DLG2: variants seen among roughly 807,000 people sequenced by gnomAD.
DLG2 encodes disks large homolog 2.
A neutral mutation model predicts 132.5 loss-of-function variants in DLG2; 45 were observed. The observed-to-expected ratio is 0.34, with a 90% confidence interval of 0.27 to 0.44. The LOEUF is 0.44. Ranked by LOEUF, DLG2 falls within the 20% of genes least tolerant of loss-of-function variation. DLG2 has a pLI of 1.00. For missense variants in DLG2, 1,045 were observed against 1,196.9 expected (o/e 0.87, Z 1.87); for synonymous variants, 424 against 419.6 (o/e 1.01, Z -0.13).
chr11:84,456,306 G>C (rs917106597), intron 7 of DLG2, among the ~76,000 whole-genome samples: 3 of 151,288 alleles, frequency 2.0e-5, no homozygotes, highest in African/African-American at 7.3e-5. Context: ...GTGGAAGAAT[G>C]CCCTAGTTTT....
chr11:84,614,432 G>A (rs1164829963), intron 6 of DLG2, among the ~76,000 whole-genome samples: 1 of 152,196 alleles, frequency 6.6e-6, no homozygotes, highest in Non-Finnish European at 1.5e-5. Context: ...AGGTCAGACA[G>A]ACAAGGAGAA....
intron 6 of DLG2, among the ~76,000 whole-genome samples, chr11:84,785,345 T>A (rs1035115934): frequency 6.6e-6 from 1 of 152,130 alleles, no homozygotes; most frequent in African/African-American, 2.4e-5. Context: ...TCCCATGAAT[T>A]GGAAGTTAAA....
At chr11:85,483,957 G>C (rs892750400) in intron 3 of DLG2, among the ~76,000 whole-genome samples, 7 of 148,644 alleles carry the variant, frequency 4.7e-5, no homozygotes, top group Non-Finnish European at 8.9e-5. Context: ...AATATAAAAA[G>C]ATGCAAATTG....
chr11:84,043,388 A>G (rs2096150043), intron 11 of DLG2, among the ~76,000 whole-genome samples: 1 of 151,590 alleles, frequency 6.6e-6, no homozygotes. Context: ...TTTTAATTTA[A>G]TATTTTATTT....
chr11:84,323,285 CATA>C (rs1478829591), intron 7 of DLG2, among the ~76,000 whole-genome samples: 1 of 152,140 alleles, frequency 6.6e-6, no homozygotes, highest in Non-Finnish European at 1.5e-5. Flanking sequence ...TTATAAGCAG[CATA>C]ATACCATATT....
chr11:84,138,584 C>A (rs1188291567), intron 9 of DLG2, among the ~76,000 whole-genome samples: 2 of 152,134 alleles, frequency 1.3e-5, no homozygotes, highest in African/African-American at 2.4e-5. Context: ...AAATAGTTCT[C>A]ACAAAATATT....
At chr11:83,803,402 G>T (rs1054477623) in intron 17 of DLG2, among the ~76,000 whole-genome samples, 1 of 152,056 alleles carries the variant, frequency 6.6e-6, no homozygotes, top group Admixed American at 6.6e-5. Context: ...TTTGCAAACC[G>T]TGGCACAATC....
At chr11:83,945,215 G>A (rs1229938198) in intron 14 of DLG2, among the ~76,000 whole-genome samples, 1 of 152,202 alleles carries the variant, frequency 6.6e-6, no homozygotes, top group Non-Finnish European at 1.5e-5. Context: ...GGCAGAGATT[G>A]TAGTGACCCA....
intron 9 of DLG2, among the ~76,000 whole-genome samples, chr11:84,114,236 A>T (rs1415982455): frequency 6.6e-6 from 1 of 152,188 alleles, no homozygotes; most frequent in East Asian, 1.9e-4. Flanking sequence ...GCTCTTCATG[A>T]ATTTTAAGTG....
At chr11:85,162,650 A>G (rs60030322) in intron 4 of DLG2, among the ~76,000 whole-genome samples, 14,264 of 152,236 alleles carry the variant, frequency 0.094, 908 homozygotes, top group African/African-American at 0.17. Context: ...GCATTAAAGT[A>G]TTGTTAACTT....
At chr11:84,590,819 T>C (rs1351578504) in intron 6 of DLG2, among the ~76,000 whole-genome samples, 1 of 152,156 alleles carries the variant, frequency 6.6e-6, no homozygotes, top group East Asian at 1.9e-4. Context: ...AGGATATTGA[T>C]ATACTGATTA....
At chr11:84,088,828 G>A (rs888087903) in intron 10 of DLG2, among the ~76,000 whole-genome samples, 8 of 152,260 alleles carry the variant, frequency 5.3e-5, no homozygotes, top group East Asian at 1.9e-4. Flanking sequence ...TAAAGAGAGC[G>A]CTGGTATCAT....
At chr11:83,574,877 C>A (rs1026522039) in intron 19 of DLG2, among the ~76,000 whole-genome samples, 1 of 152,140 alleles carries the variant, frequency 6.6e-6, no homozygotes, top group Non-Finnish European at 1.5e-5. Flanking sequence ...AAATTATTGA[C>A]TAAAGAATGG....
chr11:84,510,058 A>T (rs2154513777), intron 7 of DLG2, among the ~76,000 whole-genome samples: 1 of 151,248 alleles, frequency 6.6e-6, no homozygotes, highest in African/African-American at 2.4e-5. Flanking sequence ...AATAAAAATG[A>T]AATCTTAAAA....
At chr11:84,632,023 C>T (rs2099633011) in intron 6 of DLG2, among the ~76,000 whole-genome samples, 1 of 152,190 alleles carries the variant, frequency 6.6e-6, no homozygotes, top group African/African-American at 2.4e-5. Context: ...TGCTTTTCCT[C>T]ACTGCCACAC....
rs1472401752 is a variant in DLG2, at chr11:83,930,359, G to A, written c.1465C>T (p.Leu489=). 6.2e-7 allele frequency: 1 copy of A among 1,614,058 alleles called. No homozygotes were observed. Among genetic ancestry groups the A allele is most frequent in the Non-Finnish European group, 8.5e-7 (1 of 1,179,934 alleles). ...ATCTCAGAGTCAGGTAGCAGGCCTA[G>A]GTGGTAGTGGGAATAGGGAGCTGAG... The part of the protein sequence containing the change: ...LLSAPYSHYH[L]GLLPDSEMTS... Residue 489 remains leucine (L), a synonymous_variant, in exon 15 of 28, where the codon CTA becomes TTA. Transcript: ENST00000376104.
At chr11:84,700,022 G>A (rs934752959) in intron 6 of DLG2, among the ~76,000 whole-genome samples, 1 of 151,504 alleles carries the variant, frequency 6.6e-6, no homozygotes, top group South Asian at 2.1e-4. Flanking sequence ...ATGCCAATAT[G>A]AGTATTAGAG....
intron 4 of DLG2, among the ~76,000 whole-genome samples, chr11:85,284,697 C>T (rs72950153): frequency 0.043 from 6,582 of 151,854 alleles, 183 homozygotes; most frequent in East Asian, 0.095. Flanking sequence ...ACTCTAATTG[C>T]TTTATATTTA....
At chr11:85,321,158 G>A (rs992644661) in intron 3 of DLG2, among the ~76,000 whole-genome samples, 1 of 151,974 alleles carries the variant, frequency 6.6e-6, no homozygotes, top group Non-Finnish European at 1.5e-5. Flanking sequence ...ATATTTTGAA[G>A]ATAGGGAGAA....
Sources: allele counts gnomAD v4.1 joint callset (sites outside exome capture counted in the v4.1 genomes callset), GRCh38; gene constraint gnomAD v4.1.1; transcripts MANE v1.5; gene names NCBI Gene and HGNC (gene_info 2026-07-23, HGNC 2026-07-21).